SYTL2: variants seen among roughly 807,000 people sequenced by gnomAD.
SYTL2 encodes the protein synaptotagmin like 2, also known as synaptotagmin-like protein 2.
SYTL2 carries 165 observed loss-of-function variants against 198.7 expected under a neutral mutation model. That is an observed-to-expected ratio of 0.83 (90% CI 0.73 to 0.94). SYTL2 has a LOEUF of 0.94. SYTL2 is among the 40% of genes least tolerant of loss of function. SYTL2 has a pLI of 0.00. For synonymous variants in SYTL2, 966 were observed against 917.7 expected (o/e 1.05, Z -0.95); for missense variants, 2,835 against 2,582.8 (o/e 1.10, Z -2.12).
intron 15 of SYTL2, among the ~76,000 whole-genome samples, chr11:85,706,051 C>CA (rs1301647479): frequency 6.6e-6 from 1 of 152,150 alleles, no homozygotes; most frequent in African/African-American, 2.4e-5. Context: ...ACTAAGGCAG[C>CA]ATGATGTAGT....
At chr11:85,766,107 C>A (rs911991800) in intron 1 of SYTL2, among the ~76,000 whole-genome samples, 3 of 152,036 alleles carry the variant, frequency 2.0e-5, no homozygotes, top group Non-Finnish European at 2.9e-5. Flanking sequence ...GAGCGCTGGA[C>A]CCTGAAACCA....
the SYTL2 span, among the ~76,000 whole-genome samples, chr11:85,849,871 C>T: frequency 7.3e-6 from 1 of 137,862 alleles, no homozygotes; most frequent in East Asian, 2.0e-4. Flanking sequence ...TGTAAATTAC[C>T]TTGGGCAGTA....
the SYTL2 span, chr11:85,853,153 G>A: frequency 8.0e-4 from 261 of 327,364 alleles, 3 homozygotes; most frequent in South Asian, 5.6e-3. Context: ...CACCCCGTCT[G>A]GGAGGCGTAC....
Position 85,714,622 on chromosome 11 carries a change from A to C in SYTL2, c.5531-115T>G. 9 of 1,457,574 alleles carry C rather than the reference A, an allele frequency of 6.2e-6. No individual in the cohort carries two copies. The South Asian group carries it at 1.1e-4, about 18-fold the overall frequency. 90.3% of individuals were successfully genotyped at this position (1,457,574 alleles called of 1,614,324 possible). On this transcript the variant is annotated intron_variant, in intron 11 of 19. Coordinates refer to ENST00000359152, the MANE Select transcript of SYTL2 (RefSeq NM_206927.4). ...ATGAACAAACATGTTTTTGTAAAAAAGTTAAAGGCAGAGTAGTCCACATGC... is the reference window on the plus strand; with the variant it reads ...ATGAACAAACATGTTTTTGTAAAAACGTTAAAGGCAGAGTAGTCCACATGC...
At chr11:85,757,006 T>A (rs1192722975) in intron 2 of SYTL2, among the ~76,000 whole-genome samples, 1 of 152,218 alleles carries the variant, frequency 6.6e-6, no homozygotes, top group Non-Finnish European at 1.5e-5. Flanking sequence ...CCTGGCCTAG[T>A]GCTTGTTTGA....
At position 85,734,274 on chromosome 11, in the gene SYTL2, C is replaced by T. The variant is rs372799392; in HGVS notation, c.1055G>A (p.Arg352Gln). 3.8e-5 allele frequency: 62 copies of T among 1,614,030 alleles called. No homozygotes were observed. The highest frequency in any genetic ancestry group is 3.6e-4 in the South Asian group (33 of 91,088). ...TAAAACACTAAATTCTCCTACTTCCCGACCATGGATTAGCCCAGGACTCTG... is the reference window on the plus strand; with the variant it reads ...TAAAACACTAAATTCTCCTACTTCCTGACCATGGATTAGCCCAGGACTCTG... ...LPQSPGLIHG[R>Q]EVGEFSVLES... Residue 352 changes from arginine (R) to glutamine (Q), a missense_variant, in exon 7 of 20, where the codon CGG (arginine) becomes CAG (glutamine). Around this residue, in one of 3 missense-constraint regions of SYTL2, gnomAD observed 2,645 missense variants for 2,381.7 expected, o/e 1.11. Coordinates refer to ENST00000359152, the MANE Select transcript of SYTL2 (RefSeq NM_206927.4).
chr11:85,811,176 G>A (rs958620923), upstream of SYTL2: 1 of 151,906 alleles, frequency 6.6e-6, no homozygotes, highest in African/African-American at 2.4e-5. Context: ...GTCCCTCCCC[G>A]CTACCCCCGC....
intron 1 of SYTL2, among the ~76,000 whole-genome samples, chr11:85,796,917 T>A (rs1010477172): frequency 1.2e-4 from 19 of 152,210 alleles, no homozygotes; most frequent in African/African-American, 4.6e-4. Flanking sequence ...AGGATTGAAT[T>A]TGGGCTCACG....
intron 3 of SYTL2, among the ~76,000 whole-genome samples, chr11:85,748,071 T>C (rs2091278824): frequency 6.6e-6 from 1 of 152,152 alleles, no homozygotes; most frequent in Non-Finnish European, 1.5e-5. Context: ...CCTATGTTCC[T>C]CTACACCACA....
chr11:85,778,835 G>C lies in SYTL2; in HGVS notation c.-389-20721C>G, dbSNP rs193116632. Among the ~76,000 whole-genome samples the C allele has an allele frequency of 8.5e-5, 13 of 152,226 alleles. No homozygotes were observed. The East Asian group carries it at 2.3e-3, about 27-fold the overall frequency. The stretch of plus-strand genomic sequence containing the variant: ...CTACAGAAAATACAAAAATTAGCTA[G>C]GTGTAGTGGTGCATGCCAAGTAGTC... On this transcript the variant is annotated intron_variant, in intron 1 of 19. Coordinates refer to ENST00000359152, the MANE Select transcript of SYTL2 (RefSeq NM_206927.4).
rs1414479911 is a variant in SYTL2, at chr11:85,714,408, C to T, written c.5625+5G>A. 6.2e-7 allele frequency: 1 copy of T among 1,609,400 alleles called. No individual in the cohort carries two copies. The highest frequency in any genetic ancestry group is 2.2e-5 in the East Asian group (1 of 44,838). On this transcript the variant is annotated splice_donor_5th_base_variant and intron_variant, in intron 12 of 19. Coordinates refer to ENST00000359152, the MANE Select transcript of SYTL2 (RefSeq NM_206927.4). ...TTTTTCTGAAGGTACAAAAGACAAA[C>T]TTGCCTCATCTTGGAGAAATGCTGG...
chr11:85,750,496 C>G (rs893291717), intron 2 of SYTL2, among the ~76,000 whole-genome samples: 3 of 152,148 alleles, frequency 2.0e-5, no homozygotes, highest in African/African-American at 7.2e-5. Context: ...TCCCACAGCA[C>G]CTCCACTTCA....
At chr11:85,721,113 C>A (rs2088251437) in intron 8 of SYTL2, among the ~76,000 whole-genome samples, 154 bp from the exon 9 acceptor site, 1 of 152,184 alleles carries the variant, frequency 6.6e-6, no homozygotes. Context: ...AATAAAATTT[C>A]TCCACTATTA....
rs182003025 is a variant in SYTL2 at position 85,807,108 on chromosome 11, A to G, written c.-390+3846T>C. On this transcript the variant is annotated intron_variant, in intron 1 of 19. Coordinates refer to ENST00000359152, the MANE Select transcript of SYTL2 (RefSeq NM_206927.4). ...GCAAGCCTCTGCCTTGCTTAGGGCA[A>G]GTCAAGACAGCTCCCAGGAGCTCTG... 2.6e-5 allele frequency among the ~76,000 whole-genome samples: 4 copies of G among 152,370 alleles called. No homozygotes were observed. The East Asian group carries it at 7.7e-4, about 29-fold the overall frequency.
chr11:85,835,846 T>C, the SYTL2 span, among the ~76,000 whole-genome samples: 1 of 152,118 alleles, frequency 6.6e-6, no homozygotes, highest in East Asian at 1.9e-4. Flanking sequence ...CTAGTTGCTA[T>C]TTGGTAGTAG....
chr11:85,789,230 G>C (rs866368369), intron 1 of SYTL2, among the ~76,000 whole-genome samples: 7 of 148,336 alleles, frequency 4.7e-5, no homozygotes, highest in Admixed American at 1.4e-4. Context: ...CTGAGTAGCT[G>C]GGACTACAGG....
intron 2 of SYTL2, among the ~76,000 whole-genome samples, chr11:85,748,777 T>A (rs2091327411): frequency 1.3e-5 from 2 of 152,206 alleles, no homozygotes; most frequent in African/African-American, 4.8e-5. Context: ...GGTTTCCTTA[T>A]CCGTAAAAAA....
chr11:85,756,510 C>A (rs1262561167), intron 2 of SYTL2, among the ~76,000 whole-genome samples: 1 of 152,106 alleles, frequency 6.6e-6, no homozygotes, highest in Non-Finnish European at 1.5e-5. Context: ...ACTTCTGACA[C>A]CTACCAGTTG....
At chr11:85,713,902 T>C (rs2086730305) in intron 12 of SYTL2, among the ~76,000 whole-genome samples, 1 of 152,190 alleles carries the variant, frequency 6.6e-6, no homozygotes, top group Non-Finnish European at 1.5e-5. Context: ...TTAGTCTCAG[T>C]TTCCTCACCT....
Sources: allele counts gnomAD v4.1 joint callset (sites outside exome capture counted in the v4.1 genomes callset), GRCh38; gene constraint gnomAD v4.1.1; regional missense constraint gnomAD v4.1.1; transcripts MANE v1.5; gene names NCBI Gene and HGNC (gene_info 2026-07-23, HGNC 2026-07-21).